The following PDE4D variants were observed in gnomAD, a reference collection of about 807,000 sequenced individuals.
PDE4D encodes the protein phosphodiesterase 4D, also known as 3',5'-cyclic-AMP phosphodiesterase 4D.
A neutral mutation model predicts 87.4 loss-of-function variants in PDE4D; 24 were observed. The observed-to-expected ratio is 0.27, with a 90% CI of 0.20 to 0.39. PDE4D has a LOEUF of 0.39. Among genes scored for constraint, PDE4D ranks in the 10% least tolerant of loss-of-function variants. The pLI is 1.00. For missense variants in PDE4D, 714 were observed against 1,041.0 expected, an observed-to-expected ratio of 0.69 and a Z score of 4.32; for synonymous variants, 384 against 383.2, an observed-to-expected ratio of 1.00 and a Z score of -0.02.
chr5:59,417,504 A>G (rs1239196060), intron 1 of PDE4D, among the ~76,000 whole-genome samples: 2 of 152,180 alleles, frequency 1.3e-5, no homozygotes, highest in South Asian at 2.1e-4. Context: ...AACTTCCAGT[A>G]AGAAATGTTT....
rs78586335 is a variant in PDE4D, at chr5:58,980,056, A to G, written c.1553-2711T>C. ...TGGTTTATGTGAATCATCTCATTTA[A>G]TCCTCATAACTCTTTTAGGAAGATA... On this transcript the variant is annotated intron_variant, in intron 11 of 14. Transcript: ENST00000340635. 7.1e-3 allele frequency among the ~76,000 whole-genome samples: 1,086 copies of G among 152,278 alleles called. 10 individuals carry two copies. The highest frequency in any genetic ancestry group is 0.025 in the African/African-American group (1,036 of 41,546).
chr5:60,370,282 T>C (rs1760908957), intron 1 of PDE4D, among the ~76,000 whole-genome samples: 1 of 152,140 alleles, frequency 6.6e-6, no homozygotes, highest in Non-Finnish European at 1.5e-5. Flanking sequence ...CCTTTCGTTC[T>C]TAAAAGGCCC....
At chr5:59,394,777 C>T (rs112944936) in intron 1 of PDE4D, among the ~76,000 whole-genome samples, 57 of 152,212 alleles carry the variant, frequency 3.7e-4, no homozygotes, top group African/African-American at 1.1e-3. Context: ...CCAGCCTGAG[C>T]GACGCAGAAG....
intron 1 of PDE4D, among the ~76,000 whole-genome samples, chr5:60,373,344 G>A (rs2149988976): frequency 6.6e-6 from 1 of 152,294 alleles, no homozygotes; most frequent in African/African-American, 2.4e-5. Context: ...TCTCTGGTCA[G>A]CCACACTCCC....
intron 1 of PDE4D, among the ~76,000 whole-genome samples, chr5:59,724,663 C>A (rs1166990513): frequency 1.3e-5 from 2 of 152,014 alleles, no homozygotes; most frequent in Non-Finnish European, 2.9e-5. Context: ...CTTCTCTAAC[C>A]CCCTTTCTCC....
At chr5:59,247,686 C>T (rs1470528517) in intron 1 of PDE4D, among the ~76,000 whole-genome samples, 1 of 152,064 alleles carries the variant, frequency 6.6e-6, no homozygotes, top group Non-Finnish European at 1.5e-5. Flanking sequence ...TTTCTGCAAC[C>T]TGTTCTCCTT....
At chr5:59,243,342 G>A (rs183975971) in intron 1 of PDE4D, among the ~76,000 whole-genome samples, 3 of 149,706 alleles carry the variant, frequency 2.0e-5, no homozygotes, top group East Asian at 3.9e-4. Context: ...CAAGAGTGTC[G>A]GACTAGACAA....
At chr5:60,122,034 C>A (rs1430654622) in intron 2 of PDE4D, among the ~76,000 whole-genome samples, 2 of 152,116 alleles carry the variant, frequency 1.3e-5, no homozygotes, top group African/African-American at 2.4e-5. Context: ...AATTTTAGAG[C>A]CCCAAAATGA....
chr5:59,366,468 A>T (rs1783075806), intron 1 of PDE4D, among the ~76,000 whole-genome samples: 1 of 152,178 alleles, frequency 6.6e-6, no homozygotes, highest in South Asian at 2.1e-4. Flanking sequence ...ATCAACCATG[A>T]AGTTTTATTC....
At chr5:59,552,653 G>A (rs187669672) in intron 1 of PDE4D, among the ~76,000 whole-genome samples, 12 of 152,220 alleles carry the variant, frequency 7.9e-5, no homozygotes, top group Admixed American at 2.0e-4. Context: ...TGGATATTAA[G>A]TTTTAGTCAA....
intron 2 of PDE4D, among the ~76,000 whole-genome samples, chr5:60,105,834 G>GC (rs1554158697): frequency 3.3e-5 from 5 of 151,304 alleles, no homozygotes; most frequent in Non-Finnish European, 7.4e-5. Context: ...TCACCACCAG[G>GC]CCTAAAAGAG....
chr5:60,482,156 G>C (rs1307724995), intron 1 of PDE4D, among the ~76,000 whole-genome samples: 1 of 151,948 alleles, frequency 6.6e-6, no homozygotes, highest in Admixed American at 6.6e-5. Flanking sequence ...TCAGGAATGG[G>C]GTTCGTGCCT....
chr5:60,327,233 T>C (rs1756882189), intron 1 of PDE4D, among the ~76,000 whole-genome samples: 1 of 152,206 alleles, frequency 6.6e-6, no homozygotes, highest in Non-Finnish European at 1.5e-5. Context: ...AATGCTGTTA[T>C]ACTTGGTTGA....
upstream of PDE4D, among the ~76,000 whole-genome samples, chr5:59,894,428 T>A (rs781035146): frequency 1.2e-4 from 18 of 152,116 alleles, no homozygotes; most frequent in Admixed American, 3.3e-4. Flanking sequence ...ATAGTAAGAT[T>A]AATTCAGTCT....
chr5:59,277,502 G>A (rs1354912737), intron 1 of PDE4D, among the ~76,000 whole-genome samples: 1 of 152,038 alleles, frequency 6.6e-6, no homozygotes, highest in African/African-American at 2.4e-5. Flanking sequence ...TAGAGGAAGA[G>A]GTTTAATTTT....
At chr5:59,925,987 G>A (rs949741265) in intron 3 of PDE4D, among the ~76,000 whole-genome samples, 6 of 151,958 alleles carry the variant, frequency 3.9e-5, no homozygotes, top group African/African-American at 1.2e-4. Flanking sequence ...AAGAAACATC[G>A]GACTTGATCA....
At chr5:59,338,517 A>G (rs1582041033) in intron 1 of PDE4D, among the ~76,000 whole-genome samples, 1 of 152,354 alleles carries the variant, frequency 6.6e-6, no homozygotes, top group East Asian at 1.9e-4. Context: ...GGTTGTCTAA[A>G]GAGTGTTCGG....
At chr5:59,590,791 A>G (rs1171745172) in intron 1 of PDE4D, among the ~76,000 whole-genome samples, 1 of 152,146 alleles carries the variant, frequency 6.6e-6, no homozygotes, top group African/African-American at 2.4e-5. Context: ...CTGATTCAAT[A>G]AAAAGCTCAA....
intron 1 of PDE4D, among the ~76,000 whole-genome samples, chr5:59,638,048 A>C (rs553252660): frequency 2.0e-5 from 3 of 152,320 alleles, no homozygotes; most frequent in African/African-American, 7.2e-5. Context: ...CATATTACTT[A>C]ATGTTGTTAC....
Sources: gnomAD v4.1 joint callset for allele counts (sites outside exome capture counted in the v4.1 genomes callset) on GRCh38, gnomAD v4.1.1 for gene constraint, MANE v1.5 for transcripts, NCBI Gene and HGNC (gene_info 2026-07-23, HGNC 2026-07-21) for gene names.